ANKAR: variants seen among roughly 807,000 people sequenced by gnomAD.
ANKAR encodes ankyrin and armadillo repeat-containing protein.
Under a neutral mutation model 146.2 loss-of-function variants are expected in ANKAR, and 136 were observed. The observed-to-expected ratio is 0.93, with a 90% CI of 0.81 to 1.07. The LOEUF (loss-of-function observed/expected upper bound fraction) is 1.07, where lower values mean the gene tolerates loss of function less well. Among genes scored for constraint, ANKAR ranks in the 50% least tolerant of loss-of-function variants. The pLI is 0.00. For missense variants in ANKAR, 1,567 were observed against 1,679.9 expected, an observed-to-expected ratio of 0.93 and a Z score of 1.18; for synonymous variants, 500 against 575.8, an observed-to-expected ratio of 0.87 and a Z score of 1.88.
Position 189,707,049 on chromosome 2 carries a change from T to C in ANKAR, c.2022T>C (p.Asn674=), listed in dbSNP as rs780099984. The change falls in exon 9 of 23, where the codon AAT becomes AAC. Residue 674 remains asparagine (N), a synonymous_variant. Coordinates refer to ENST00000684021, the MANE Select transcript of ANKAR (RefSeq NM_001378068.1). ...NWRKTDIKGN[N]IIHLSVLTFH... ...GAAAAACAGATATTAAAGGAAATAA[T>C]ATAATCCATTTATCAGTGTTAACCT... is the stretch of plus-strand genomic sequence containing the variant. The C allele has an allele frequency of 9.1e-5, 147 of 1,611,828 alleles. No individual in the cohort carries two copies. The highest frequency in any genetic ancestry group is 5.7e-5 in the Non-Finnish European group (67 of 1,178,266).
At chr2:189,685,317 T>C (rs553717029) in intron 2 of ANKAR, among the ~76,000 whole-genome samples, 33 of 152,294 alleles carry the variant, frequency 2.2e-4, no homozygotes, top group African/African-American at 7.5e-4. Context: ...GTGGTTTTTT[T>C]TTCCAGTAGC....
intron 12 of ANKAR, among the ~76,000 whole-genome samples, chr2:189,726,461 A>T (rs942190717): frequency 1.3e-5 from 2 of 152,144 alleles, no homozygotes; most frequent in Admixed American, 1.3e-4. Context: ...ATGTCACTTT[A>T]AAAATATTCT....
At chr2:189,739,433 T>C (rs1466463240) in intron 19 of ANKAR, among the ~76,000 whole-genome samples, 19 of 152,182 alleles carry the variant, frequency 1.2e-4, no homozygotes, top group Admixed American at 1.2e-3. Flanking sequence ...CAATGAAAAC[T>C]TTCTGATGGA....
At chr2:189,761,668 A>C (rs756784294), downstream of ANKAR, 24 of 1,502,216 alleles carry the variant, frequency 1.6e-5, no homozygotes, top group African/African-American at 3.2e-4. Context: ...TTCCTGAAAA[A>C]GAATTACAGA....
At chr2:189,755,217 G>A in intron 18 of ANKAR, 1 of 1,611,888 alleles carries the variant, frequency 6.2e-7, no homozygotes, top group Non-Finnish European at 8.5e-7. Flanking sequence ...GACTTTCCAA[G>A]AAGCAGAAAA....
rs146527937 is a variant in ANKAR at position 189,676,969 on chromosome 2, G to C, written c.479G>C (p.Gly160Ala). The C allele has an allele frequency of 9.9e-6, 16 of 1,613,982 alleles. No individual in the cohort carries two copies. Among genetic ancestry groups the C allele is most frequent in the Non-Finnish European group, 1.3e-5 (15 of 1,180,028 alleles). The change falls in exon 2 of 23, where the codon GGA becomes GCA. Residue 160 changes from glycine to alanine, a missense_variant. By Grantham distance (60) the Gly-to-Ala change is moderately conservative (BLOSUM62 0). Coordinates refer to ENST00000684021, the MANE Select transcript of ANKAR (RefSeq NM_001378068.1). ...TACATGCTGAAAGCACTATGGCATGGAATATATATGCCCAAAGAAAAACGA... is the reference window on the plus strand; with the variant it reads ...TACATGCTGAAAGCACTATGGCATGCAATATATATGCCCAAAGAAAAACGA... ...IDYMLKALWH[G>A]IYMPKEKRAR...
At chr2:189,755,147 G>T in intron 18 of ANKAR, 2 of 1,589,542 alleles carry the variant, frequency 1.3e-6, no homozygotes, top group East Asian at 2.2e-5. Context: ...TAACAAAAAA[G>T]AATGGAGAAA....
At position 189,720,743 on chromosome 2, in the gene ANKAR, A is replaced by T. The variant is rs1296190913; in HGVS notation, c.2591A>T (p.His864Leu). The change falls in exon 12 of 23, where the codon CAT (histidine) becomes CTT (leucine). Residue 864 changes from histidine to leucine, a missense_variant. Coordinates refer to ENST00000684021, the MANE Select transcript of ANKAR (RefSeq NM_001378068.1). ...AACAATCAAAGAGCTGTGAGAGAAC[A>T]TAAAGGCCTCCCATATCTTATCAGA... ...NENNQRAVREHKGLPYLIRFL... is the reference protein window; with the variant it reads ...NENNQRAVRELKGLPYLIRFL... The T allele has an allele frequency of 6.6e-7, 1 of 1,518,736 alleles. No individual in the cohort carries two copies. Among genetic ancestry groups the T allele is most frequent in the African/African-American group, 1.4e-5 (1 of 69,896 alleles). 94.1% of individuals were successfully genotyped at this position (1,518,736 alleles called of 1,614,324 possible). A position where few individuals can be genotyped will look rare whatever the true frequency, so the allele number is the denominator to read the frequency against.
At chr2:189,703,684 G>A (rs2038414936) in intron 7 of ANKAR, among the ~76,000 whole-genome samples, 1 of 152,154 alleles carries the variant, frequency 6.6e-6, no homozygotes, top group Admixed American at 6.5e-5. Context: ...CCAAGATTGA[G>A]CCTTAAAGTT....
chr2:189,681,643 G>A (rs1179245393), intron 2 of ANKAR, among the ~76,000 whole-genome samples: 3 of 152,186 alleles, frequency 2.0e-5, no homozygotes, highest in Admixed American at 6.5e-5. Context: ...CAGAATGGAC[G>A]TCAGCCATAA....
intron 22 of ANKAR, among the ~76,000 whole-genome samples, chr2:189,745,220 A>G (rs2439184): frequency 0.98 from 148,880 of 151,698 alleles, 73,116 homozygotes; most frequent in East Asian, 1. Context: ...ACCCCCACAA[A>G]AAAGTTTACC....
chr2:189,716,132 A>G (rs1416516220), intron 10 of ANKAR, among the ~76,000 whole-genome samples: 2 of 151,852 alleles, frequency 1.3e-5, no homozygotes, highest in Non-Finnish European at 2.9e-5. Context: ...TCAATTAGGA[A>G]AAGAGGAAGT....
chr2:189,760,079 G>A lies in ANKAR; in HGVS notation c.*585-1019G>A, dbSNP rs183123398. On this transcript the variant is annotated intron_variant and NMD_transcript_variant, in intron 18 of 18. Coordinates refer to the ANKAR transcript ENST00000441800. ...TCAGAGAGCACGGGGTTGGGGGTAA[G>A]GTTATAGATCAACAGCATCCCAAGG... Among the ~76,000 whole-genome samples the A allele has an allele frequency of 1.4e-4, 22 of 152,274 alleles. No homozygotes were observed. In the East Asian group the frequency reaches 4.1e-3, roughly 28 times the overall value.
chr2:189,723,821 A>T (rs1012429981), intron 12 of ANKAR, among the ~76,000 whole-genome samples: 5 of 152,136 alleles, frequency 3.3e-5, no homozygotes, highest in African/African-American at 1.2e-4. Flanking sequence ...TTTACAATCT[A>T]TTCTTCCCAG....
intron 10 of ANKAR, among the ~76,000 whole-genome samples, chr2:189,717,083 G>A (rs1018398097): frequency 1.3e-5 from 2 of 152,086 alleles, no homozygotes; most frequent in African/African-American, 4.8e-5. Flanking sequence ...AGCCAAAATA[G>A]ACAAATGGGA....
Position 189,719,801 on chromosome 2 carries a change from T to C in ANKAR, c.2454T>C (p.Val818=). 2 of 1,573,878 alleles carry C rather than the reference T, an allele frequency of 1.3e-6. No homozygotes were observed. Among genetic ancestry groups the C allele is most frequent in the African/African-American group, 1.3e-5 (1 of 74,592 alleles). The change falls in exon 11 of 23, where the codon GTT becomes GTC. Residue 818 remains valine (V), a synonymous_variant. Coordinates refer to ENST00000684021, the MANE Select transcript of ANKAR (RefSeq NM_001378068.1). ...YDIAQCENKD[V]IAKYNGIPSL... ...TTGCTCAATGTGAAAACAAGGATGT[T>C]ATTGCCAAATATGTAAGTTCCTTTC... is the stretch of plus-strand genomic sequence containing the variant.
At position 189,720,722 on chromosome 2, in the gene ANKAR, A is replaced by C. The variant is rs142304483; in HGVS notation, c.2570A>C (p.Asn857Thr). 17 of 1,523,182 alleles carry C rather than the reference A, an allele frequency of 1.1e-5. No individual in the cohort carries two copies. The highest frequency in any genetic ancestry group is 1.5e-5 in the Non-Finnish European group (17 of 1,140,172). 94.4% of individuals were successfully genotyped at this position (1,523,182 alleles called of 1,614,324 possible). A position where few individuals can be genotyped will look rare whatever the true frequency, so the allele number is the denominator to read the frequency against. The change falls in exon 12 of 23, where the codon AAT (asparagine) becomes ACT (threonine). Residue 857 changes from asparagine (N) to threonine (T), a missense_variant. Transcript: ENST00000684021. ...IRVLCIGNEN[N>T]QRAVREHKGL... The stretch of plus-strand genomic sequence containing the variant: ...GTATTGTGTATAGGAAATGAAAACA[A>C]TCAAAGAGCTGTGAGAGAACATAAA...
chr2:189,741,765 G>A (rs7604380), intron 20 of ANKAR, among the ~76,000 whole-genome samples: 280 of 151,908 alleles, frequency 1.8e-3, no homozygotes, highest in African/African-American at 6.3e-3. Context: ...AGTATAAAAC[G>A]ACTACAATTA....
At chr2:189,706,620 C>G (rs898297599) in intron 8 of ANKAR, among the ~76,000 whole-genome samples, 1 of 152,102 alleles carries the variant, frequency 6.6e-6, no homozygotes, top group South Asian at 2.1e-4. Context: ...TGATATTTGC[C>G]TTGCTTTTTC....
Sources: gnomAD v4.1 joint callset for allele counts (sites outside exome capture counted in the v4.1 genomes callset) on GRCh38, gnomAD v4.1.1 for gene constraint, MANE v1.5 for transcripts, NCBI Gene and HGNC (gene_info 2026-07-23, HGNC 2026-07-21) for gene names.